ZCWPW2: variants seen among roughly 807,000 people sequenced by gnomAD.
ZCWPW2 encodes zinc finger CW-type PWWP domain protein 2.
A neutral mutation model predicts 46.6 loss-of-function variants in ZCWPW2; 45 were observed. The observed-to-expected ratio is 0.96, with a 90% CI of 0.76 to 1.24. ZCWPW2 has a LOEUF of 1.24. Ranked by LOEUF, ZCWPW2 falls within the 50% of genes most tolerant of loss-of-function variation. The probability of loss-of-function intolerance (pLI) is 0.00; values close to 1 mark genes in which losing one functional copy is unlikely to be tolerated. For synonymous variants in ZCWPW2, 152 were observed against 137.1 expected (o/e 1.11, Z -0.76); for missense variants, 429 against 403.9 (o/e 1.06, Z -0.53).
intron 4 of ZCWPW2, among the ~76,000 whole-genome samples, chr3:28,467,380 C>T (rs1310331071): frequency 6.6e-6 from 1 of 151,828 alleles, no homozygotes; most frequent in Non-Finnish European, 1.5e-5. Context: ...AAGAAAAAGA[C>T]CATTATACGT....
intron 2 of ZCWPW2, among the ~76,000 whole-genome samples, chr3:28,403,151 A>G (rs1378771171): frequency 1.3e-5 from 2 of 152,142 alleles, no homozygotes; most frequent in African/African-American, 4.8e-5. Context: ...AGAGAACCCT[A>G]AAGACTTCTC....
chr3:28,421,168 A>G (rs1456795284), intron 3 of ZCWPW2, among the ~76,000 whole-genome samples: 1 of 152,066 alleles, frequency 6.6e-6, no homozygotes, highest in African/African-American at 2.4e-5. Flanking sequence ...TTTCCAAGGG[A>G]GGGAAGGGTG....
intron 4 of ZCWPW2, among the ~76,000 whole-genome samples, chr3:28,440,730 A>G (rs1425688125): frequency 2.0e-5 from 3 of 152,190 alleles, no homozygotes; most frequent in African/African-American, 7.2e-5. Flanking sequence ...GTCGGAGGCA[A>G]TGCTGTGTGG....
chr3:28,520,954 G>C (rs1159872012), intron 8 of ZCWPW2, 38 bp from the exon 9 acceptor site: 4 of 1,608,714 alleles, frequency 2.5e-6, no homozygotes, highest in Non-Finnish European at 8.5e-7. Flanking sequence ...AATTAAGTGA[G>C]ATGTAGCATT....
intron 1 of ZCWPW2, chr3:28,351,593 C>T (rs1704551762): frequency 6.6e-6 from 1 of 151,070 alleles, no homozygotes; most frequent in Admixed American, 6.6e-5. Flanking sequence ...TATATCTGAG[C>T]TGTGAAGAAT....
At chr3:28,406,086 G>A (rs759258676) in intron 2 of ZCWPW2, among the ~76,000 whole-genome samples, 1 of 152,196 alleles carries the variant, frequency 6.6e-6, no homozygotes, top group Non-Finnish European at 1.5e-5. Context: ...GGAAATACCT[G>A]AGCAAAGTGT....
At chr3:28,518,538 G>C (rs1273200303) in intron 8 of ZCWPW2, among the ~76,000 whole-genome samples, 1 of 152,178 alleles carries the variant, frequency 6.6e-6, no homozygotes, top group African/African-American at 2.4e-5. Context: ...GGTTGGTGTT[G>C]TAAACCCTAG....
intron 2 of ZCWPW2, among the ~76,000 whole-genome samples, chr3:28,407,953 G>GA (rs1190243858): frequency 5.3e-5 from 8 of 152,078 alleles, no homozygotes; most frequent in Non-Finnish European, 1.2e-4. Flanking sequence ...CAGGAGTTTT[G>GA]AAAACCAGCA....
intron 3 of ZCWPW2, among the ~76,000 whole-genome samples, chr3:28,422,813 T>C (rs1198871415): frequency 6.6e-6 from 1 of 152,116 alleles, no homozygotes; most frequent in African/African-American, 2.4e-5. Context: ...TAAACTGTCT[T>C]CCAAAGTGGC....
intron 3 of ZCWPW2, among the ~76,000 whole-genome samples, chr3:28,428,760 A>C (rs1446564166): frequency 2.0e-5 from 3 of 152,108 alleles, no homozygotes; most frequent in Non-Finnish European, 4.4e-5. Flanking sequence ...GTCAGATCTC[A>C]TGAGATCCAA....
chr3:28,483,928 G>C (rs1044716193), intron 5 of ZCWPW2, among the ~76,000 whole-genome samples: 1 of 152,022 alleles, frequency 6.6e-6, no homozygotes, highest in African/African-American at 2.4e-5. Flanking sequence ...CATGTGCAGC[G>C]AGAGTTTTAT....
intron 4 of ZCWPW2, among the ~76,000 whole-genome samples, chr3:28,469,321 A>G (rs956091310): frequency 1.3e-5 from 2 of 152,146 alleles, no homozygotes; most frequent in Non-Finnish European, 2.9e-5. Context: ...AAGACTGTAA[A>G]ACAACCAGAA....
At chr3:28,469,171 T>G (rs1575170992) in intron 4 of ZCWPW2, among the ~76,000 whole-genome samples, 1 of 152,146 alleles carries the variant, frequency 6.6e-6, no homozygotes, top group South Asian at 2.1e-4. Flanking sequence ...AAATAATGGG[T>G]TATAATATTT....
At chr3:28,472,423 C>G (rs979855944) in intron 4 of ZCWPW2, among the ~76,000 whole-genome samples, 1 of 152,124 alleles carries the variant, frequency 6.6e-6, no homozygotes, top group Admixed American at 6.5e-5. Context: ...TAAATCCATA[C>G]ATCTACAATG....
Position 28,380,051 on chromosome 3 carries a change from C to T in ZCWPW2, c.-133-10447C>T, listed in dbSNP as rs187049940. ...AGGCTGGAGTGCAGTGGCGTCATCTCGGCTCACTGCAAGCTCCTCCTCCCG... is the reference window on the plus strand; with the variant it reads ...AGGCTGGAGTGCAGTGGCGTCATCTTGGCTCACTGCAAGCTCCTCCTCCCG... On this transcript the variant is annotated intron_variant, in intron 1 of 9. Transcript: ENST00000383768. Among the ~76,000 whole-genome samples the T allele has an allele frequency of 3.2e-3, 488 of 152,090 alleles. 1 individual carries two copies. Among genetic ancestry groups the T allele is most frequent in the Middle Eastern group, 0.024 (7 of 294 alleles).
At chr3:28,453,801 T>A (rs1698316046) in intron 4 of ZCWPW2, among the ~76,000 whole-genome samples, 1 of 129,064 alleles carries the variant, frequency 7.7e-6, no homozygotes, top group Admixed American at 7.7e-5. Flanking sequence ...TTGTGTATAT[T>A]TATTTATTTA....
chr3:28,509,742 A>T (rs1037716115), intron 6 of ZCWPW2, among the ~76,000 whole-genome samples: 1 of 152,106 alleles, frequency 6.6e-6, no homozygotes, highest in Non-Finnish European at 1.5e-5. Context: ...CAAATATATG[A>T]TTTGAAAATA....
At chr3:28,401,322 A>C (rs1211173342) in intron 2 of ZCWPW2, among the ~76,000 whole-genome samples, 1 of 152,210 alleles carries the variant, frequency 6.6e-6, no homozygotes, top group Non-Finnish European at 1.5e-5. Flanking sequence ...TAAGAGATAA[A>C]GAATTGCAGA....
At chr3:28,467,404 T>A (rs922922488) in intron 4 of ZCWPW2, among the ~76,000 whole-genome samples, 2 of 151,688 alleles carry the variant, frequency 1.3e-5, no homozygotes, top group African/African-American at 4.9e-5. Flanking sequence ...AACACAGGAC[T>A]TGAATCATCA....
Sources: gnomAD v4.1 joint callset for allele counts (sites outside exome capture counted in the v4.1 genomes callset) on GRCh38, gnomAD v4.1.1 for gene constraint, MANE v1.5 for transcripts, NCBI Gene and HGNC (gene_info 2026-07-23, HGNC 2026-07-21) for gene names.